Variants in CLEC4A observed in about 807,000 individuals in gnomAD.
CLEC4A encodes C-type (calcium dependent, carbohydrate-recognition domain) lectin, superfamily member 6.
CLEC4A carries 27 observed loss-of-function variants against 32.7 expected under a neutral mutation model. The observed-to-expected ratio is 0.83, with a 90% CI of 0.61 to 1.14. The LOEUF is 1.14. Ranked by LOEUF, CLEC4A falls within the 50% of genes most tolerant of loss-of-function variation. CLEC4A has a pLI of 0.00. For missense variants in CLEC4A, 253 were observed against 274.6 expected, an observed-to-expected ratio of 0.92 and a Z score of 0.55; for synonymous variants, 89 against 93.7, an observed-to-expected ratio of 0.95 and a Z score of 0.29.
chr12:8,135,541 G>A (rs1484448546), intron 3 of CLEC4A, 44 bp from the exon 4 acceptor site: 3 of 1,600,810 alleles, frequency 1.9e-6, no homozygotes, highest in Non-Finnish European at 2.6e-6. Flanking sequence ...ACTTTTAAGA[G>A]TGATTATTTA....
At chr12:8,124,136 G>A (rs1444943762) in intron 1 of CLEC4A, among the ~76,000 whole-genome samples, 176 bp downstream of exon 1, 1 of 152,138 alleles carries the variant, frequency 6.6e-6, no homozygotes, top group Non-Finnish European at 1.5e-5. Flanking sequence ...GTGTACATTT[G>A]TATTGTGGAG....
chr12:8,103,373 G>GTGTTTTTT, the CLEC4A span, among the ~76,000 whole-genome samples: 1 of 78,036 alleles, frequency 1.3e-5, no homozygotes, highest in Non-Finnish European at 2.4e-5. Context: ...GTTTCTTTCT[G>GTGTTTTTT]TTGTTTTTTT....
At chr12:8,110,904 C>T in the CLEC4A span, among the ~76,000 whole-genome samples, 5 of 151,160 alleles carry the variant, frequency 3.3e-5, no homozygotes, top group South Asian at 2.1e-4. Context: ...GACGGAGTCT[C>T]GCTCTGTCGC....
chr12:8,135,280 A>G (rs964152141), intron 3 of CLEC4A, among the ~76,000 whole-genome samples: 2 of 152,022 alleles, frequency 1.3e-5, no homozygotes, highest in East Asian at 1.9e-4. Flanking sequence ...CTTATTTTCT[A>G]TTGAACTCTG....
the CLEC4A span, among the ~76,000 whole-genome samples, chr12:8,110,283 C>T: frequency 6.6e-6 from 1 of 152,034 alleles, no homozygotes; most frequent in African/African-American, 2.4e-5. Flanking sequence ...GGCGAGGACA[C>T]AGAGGCATAG....
chr12:8,121,253 G>A (rs1947828299), upstream of CLEC4A: 1 of 152,190 alleles, frequency 6.6e-6, no homozygotes, highest in Non-Finnish European at 1.5e-5. Flanking sequence ...TATGAGCTTA[G>A]ATTGTAAAGA....
chr12:8,129,488 C>T, intron 3 of CLEC4A, 126 bp downstream of exon 3: 1 of 691,330 alleles, frequency 1.4e-6, no homozygotes, highest in Non-Finnish European at 2.5e-6. Context: ...ATTTAAGCTA[C>T]AAATGTACAA....
At chr12:8,112,580 A>G in the CLEC4A span, among the ~76,000 whole-genome samples, 4 of 151,808 alleles carry the variant, frequency 2.6e-5, no homozygotes, top group African/African-American at 7.3e-5. Flanking sequence ...TTTATTTACT[A>G]TCTTTTTTTT....
intron 3 of CLEC4A, chr12:8,134,987 T>TTTTTTTTTTTTTG: frequency 8.9e-6 from 2 of 225,296 alleles, no homozygotes; most frequent in Non-Finnish European, 1.4e-5. Flanking sequence ...TTGTTTTTTG[T>TTTTTTTTTTTTTG]TTTTTTTTAA....
upstream of CLEC4A, among the ~76,000 whole-genome samples, chr12:8,118,792 G>A (rs1370225652): frequency 6.6e-6 from 1 of 152,202 alleles, no homozygotes; most frequent in Admixed American, 6.5e-5. Flanking sequence ...GGTATTGCCA[G>A]TGTGATGATA....
chr12:8,116,844 C>G, the CLEC4A span, among the ~76,000 whole-genome samples: 146 of 152,272 alleles, frequency 9.6e-4, no homozygotes, highest in Middle Eastern at 3.4e-3. Flanking sequence ...ACTTCTTGGA[C>G]TTGGAGTGTT....
At position 8,135,622 on chromosome 12, in the gene CLEC4A, A is replaced by G. The variant is rs369865225; in HGVS notation, c.336A>G (p.Ser112=). The change falls in exon 4 of 6, where the codon TCA becomes TCG. Residue 112 remains serine (S), a synonymous_variant. Transcript: ENST00000229332. Reference sequence around the variant, plus strand: ...GCTGTTGCCCAAAGAATTGGAAGTCATTTAGTTCCAACTGCTACTTTATTT... The same window carrying G: ...GCTGTTGCCCAAAGAATTGGAAGTCGTTTAGTTCCAACTGCTACTTTATTT... ...AWSCCPKNWK[S]FSSNCYFIST... 3.8e-5 allele frequency: 61 copies of G among 1,614,214 alleles called. No homozygotes were observed. Among genetic ancestry groups the G allele is most frequent in the Non-Finnish European group, 5.1e-5 (60 of 1,180,020 alleles).
chr12:8,135,619 G>A lies in CLEC4A; in HGVS notation c.333G>A (p.Lys111=). 6.2e-7 allele frequency: 1 copy of A among 1,614,144 alleles called. No homozygotes were observed. Among genetic ancestry groups the A allele is most frequent in the Middle Eastern group, 1.6e-4 (1 of 6,062 alleles). Reference sequence around the variant, plus strand: ...GGAGCTGTTGCCCAAAGAATTGGAAGTCATTTAGTTCCAACTGCTACTTTA... The same window carrying A: ...GGAGCTGTTGCCCAAAGAATTGGAAATCATTTAGTTCCAACTGCTACTTTA... The part of the protein sequence containing the change: ...TAWSCCPKNW[K]SFSSNCYFIS... Residue 111 remains lysine, a synonymous_variant, in exon 4 of 6, where the codon AAG becomes AAA. Transcript: ENST00000229332.
upstream of CLEC4A, among the ~76,000 whole-genome samples, chr12:8,118,863 G>A (rs368308396): frequency 3.3e-5 from 5 of 152,246 alleles, no homozygotes; most frequent in African/African-American, 1.2e-4. Context: ...TGGAATTAAG[G>A]CTCCTATAAA....
chr12:8,106,626 G>A, the CLEC4A span, among the ~76,000 whole-genome samples: 1 of 152,044 alleles, frequency 6.6e-6, no homozygotes, highest in Middle Eastern at 3.2e-3. Flanking sequence ...GCTGTATTCC[G>A]AGGTATTTTA....
intron 4 of CLEC4A, 144 bp from the exon 5 acceptor site, chr12:8,136,644 C>G (rs1212523187): frequency 7.3e-6 from 4 of 545,508 alleles, no homozygotes; most frequent in Non-Finnish European, 1.3e-5. Context: ...CTGCCCTGCT[C>G]AGCCAGAGAT....
chr12:8,134,821 A>C (rs1948066845), intron 3 of CLEC4A: 1 of 1,550,008 alleles, frequency 6.5e-7, no homozygotes, highest in African/African-American at 1.4e-5. Context: ...GGGGGTGAGA[A>C]GGCGAAATCC....
intron 5 of CLEC4A, among the ~76,000 whole-genome samples, 158 bp from the exon 6 acceptor site, chr12:8,137,982 A>C (rs1948154922): frequency 6.6e-6 from 1 of 152,212 alleles, no homozygotes; most frequent in Non-Finnish European, 1.5e-5. Context: ...CCGGAAATGC[A>C]GATGGAGGAG....
chr12:8,119,671 T>C (rs546476494), upstream of CLEC4A, among the ~76,000 whole-genome samples: 22 of 152,384 alleles, frequency 1.4e-4, no homozygotes, highest in South Asian at 3.9e-3. Flanking sequence ...CTTGCCATCA[T>C]ATCAATATAA....
Sources: allele counts gnomAD v4.1 joint callset (sites outside exome capture counted in the v4.1 genomes callset), GRCh38; gene constraint gnomAD v4.1.1; transcripts MANE v1.5; gene names NCBI Gene and HGNC (gene_info 2026-07-23, HGNC 2026-07-21).